IL2RA: variants seen among roughly 807,000 people sequenced by gnomAD.
IL2RA encodes interleukin-2 receptor subunit alpha.
In IL2RA, 24 loss-of-function variants were observed where a neutral mutation model predicts 37.8. That is an observed-to-expected ratio of 0.63 (90% CI 0.46 to 0.89). The LOEUF is 0.89. Among genes scored for constraint, IL2RA ranks in the 40% least tolerant of loss-of-function variants. The pLI is 0.00. For missense variants in IL2RA, 319 were observed against 348.6 expected, an observed-to-expected ratio of 0.92 and a Z score of 0.68; for synonymous variants, 125 against 114.6, an observed-to-expected ratio of 1.09 and a Z score of -0.58.
Position 6,018,008 on chromosome 10 carries a change from G to A in IL2RA, c.794+45C>T. ...GGGAGGCAGGGTGGGGCTGGGTACA[G>A]GACTTTGATCTGACCAAGGGCTGCC... On this transcript the variant is annotated intron_variant, in intron 7 of 7. Coordinates refer to ENST00000379959, the MANE Select transcript of IL2RA (RefSeq NM_000417.3). The surrounding 1 kb of genome is among the most constrained non-coding windows in gnomAD (Gnocchi z 5.1). 6.5e-7 allele frequency: 1 copy of A among 1,538,066 alleles called. No homozygotes were observed. The highest frequency in any genetic ancestry group is 9.0e-7 in the Non-Finnish European group (1 of 1,115,122).
rs142445701 is a variant in IL2RA, at chr10:6,058,490, T to C, written c.64+3598A>G. Reference sequence around the variant, plus strand: ...ACAGCCTCAAGACATGTCTTGAAGATGAATGAAGTAACAGTAGCAATAATA... The same window carrying C: ...ACAGCCTCAAGACATGTCTTGAAGACGAATGAAGTAACAGTAGCAATAATA... On this transcript the variant is annotated intron_variant, in intron 1 of 7. Transcript: ENST00000379959. This position sits in a 1 kb window ranked among gnomAD's most constrained non-coding sequence, Gnocchi z 4.2. 5.3e-5 allele frequency among the ~76,000 whole-genome samples: 8 copies of C among 152,314 alleles called. No homozygotes were observed. In the East Asian group the frequency reaches 9.7e-4, roughly 18 times the overall value.
chr10:6,024,067 C>T (rs1335222020), intron 3 of IL2RA, among the ~76,000 whole-genome samples, 177 bp downstream of exon 3: 1 of 152,218 alleles, frequency 6.6e-6, no homozygotes, highest in African/African-American at 2.4e-5. Flanking sequence ...GCTGAGCAAA[C>T]AGCCTCTGAG....
chr10:6,043,760 A>T (rs952279394), intron 1 of IL2RA, among the ~76,000 whole-genome samples: 10 of 152,246 alleles, frequency 6.6e-5, no homozygotes, highest in Admixed American at 2.6e-4. Flanking sequence ...TAAAATAAAC[A>T]AAAAGGACAT....
At chr10:6,052,635 A>C (rs1235806948) in intron 1 of IL2RA, among the ~76,000 whole-genome samples, 3 of 133,680 alleles carry the variant, frequency 2.2e-5, no homozygotes, top group East Asian at 4.2e-4. Flanking sequence ...CCAGGGGAGA[A>C]AACGCGCCCC....
intron 1 of IL2RA, among the ~76,000 whole-genome samples, chr10:6,041,664 A>T (rs1057390444): frequency 6.6e-6 from 1 of 152,206 alleles, no homozygotes; most frequent in African/African-American, 2.4e-5. Context: ...TGAGGGGGAA[A>T]AATTTCCCCC....
At chr10:6,051,817 C>CTATATATATATATATA (rs61008683) in intron 1 of IL2RA, among the ~76,000 whole-genome samples, 1,457 of 33,584 alleles carry the variant, frequency 0.043, 276 homozygotes, top group South Asian at 0.069. Flanking sequence ...TCATGCCCAG[C>CTATATATATATATATA]TATATATATA....
intron 1 of IL2RA, among the ~76,000 whole-genome samples, chr10:6,050,762 A>G (rs537630915): frequency 1.1e-4 from 16 of 152,312 alleles, no homozygotes; most frequent in African/African-American, 3.8e-4. Context: ...CTGGCCCGGG[A>G]GTGCTCAGAG....
intron 1 of IL2RA, among the ~76,000 whole-genome samples, chr10:6,051,817 C>CCATATATATATATATATATA (rs1839963972): frequency 1.2e-4 from 4 of 33,686 alleles, no homozygotes; most frequent in African/African-American, 3.7e-4. Flanking sequence ...TCATGCCCAG[C>CCATATATATATATATATATA]TATATATATA....
chr10:6,032,609 C>T (rs974931489), intron 1 of IL2RA, among the ~76,000 whole-genome samples: 3 of 150,850 alleles, frequency 2.0e-5, no homozygotes, highest in South Asian at 2.1e-4. Context: ...AGGAGAATGG[C>T]GTGAACTTGG....
intron 7 of IL2RA, among the ~76,000 whole-genome samples, chr10:6,017,506 C>T (rs1186415762): frequency 6.6e-6 from 1 of 151,930 alleles, no homozygotes; most frequent in African/African-American, 2.4e-5. Flanking sequence ...AAGCATCAAG[C>T]CTGGTGTATA....
chr10:6,028,074 T>C lies in IL2RA; in HGVS notation c.65-2049A>G, dbSNP rs968381266. ...ACAGGCAGCTCAGGGCTACATGATT[T>C]TGGAGGAGGGAAACACGTGAGAGGC... On this transcript the variant is annotated intron_variant, in intron 1 of 7. Transcript: ENST00000379959. The surrounding 1 kb of genome is among the most constrained non-coding windows in gnomAD (Gnocchi z 4.1). Among the ~76,000 whole-genome samples, 1 of 152,040 alleles carries C rather than the reference T, an allele frequency of 6.6e-6. No individual in the cohort carries two copies. The highest frequency in any genetic ancestry group is 1.9e-4 in the East Asian group (1 of 5,194).
At chr10:6,040,346 C>T (rs573659389) in intron 1 of IL2RA, among the ~76,000 whole-genome samples, 35 of 152,202 alleles carry the variant, frequency 2.3e-4, no homozygotes, top group African/African-American at 8.2e-4. Context: ...ATGCTGTATT[C>T]GGTTGTTTCC....
Position 6,058,170 on chromosome 10 carries a change from C to T in IL2RA, c.64+3918G>A, listed in dbSNP as rs1840075590. On this transcript the variant is annotated intron_variant, in intron 1 of 7. Coordinates refer to ENST00000379959, the MANE Select transcript of IL2RA (RefSeq NM_000417.3). This position sits in a 1 kb window ranked among gnomAD's most constrained non-coding sequence, Gnocchi z 4.2. ...AAATCACAAAGAGGTATTCAGAATA[C>T]CCAAGGCTTTAGGCAAAAACCAGTC... Among the ~76,000 whole-genome samples, 1 of 152,008 alleles carries T rather than the reference C, an allele frequency of 6.6e-6. No individual in the cohort carries two copies. The highest frequency in any genetic ancestry group is 1.5e-5 in the Non-Finnish European group (1 of 67,990).
chr10:6,026,184 CT>C, intron 1 of IL2RA, 159 bp from the exon 2 acceptor site: 1 of 731,224 alleles, frequency 1.4e-6, no homozygotes, highest in Non-Finnish European at 2.3e-6. Context: ...TACCATTGTT[CT>C]TTAGAAAGCT....
At position 6,018,214 on chromosome 10, in the gene IL2RA, A is replaced by G; in HGVS notation, c.728-95T>C. The G allele has an allele frequency of 2.2e-6, 2 of 917,766 alleles. No individual in the cohort carries two copies. The highest frequency in any genetic ancestry group is 3.6e-6 in the Non-Finnish European group (2 of 559,930). The allele number at this position is 917,766 out of a possible 1,614,324, so 56.9% of individuals were successfully genotyped here. ...ACAGGGCAGGCTGAGGACATCCCCA[A>G]AGAGCAAGGCGGAGGCTGCAGCCTC... is the stretch of plus-strand genomic sequence containing the variant. On this transcript the variant is annotated intron_variant, in intron 6 of 7. Coordinates refer to ENST00000379959, the MANE Select transcript of IL2RA (RefSeq NM_000417.3). The surrounding 1 kb of genome is among the most constrained non-coding windows in gnomAD (Gnocchi z 5.1).
Position 6,036,942 on chromosome 10 carries a change from A to G in IL2RA, c.65-10917T>C, listed in dbSNP as rs996935356. On this transcript the variant is annotated intron_variant, in intron 1 of 7. Transcript: ENST00000379959. The surrounding 1 kb of genome is among the most constrained non-coding windows in gnomAD (Gnocchi z 6.1). ...GGGATTTGTCAGGGCAGGTGTGGACATTGAGGCTATTTCTAACAAGCTCCT... is the reference window on the plus strand; with the variant it reads ...GGGATTTGTCAGGGCAGGTGTGGACGTTGAGGCTATTTCTAACAAGCTCCT... 3.9e-5 allele frequency among the ~76,000 whole-genome samples: 6 copies of G among 152,198 alleles called. No homozygotes were observed. The highest frequency in any genetic ancestry group is 1.2e-4 in the African/African-American group (5 of 41,528).
rs538001530 is a variant in IL2RA, at chr10:6,035,309, G to C, written c.65-9284C>G. ...GGGTCTCCCTGTGTGGGCAGGGATGGAGAGTGAGGGCCTGCCTTCATGGCA... is the reference window on the plus strand; with the variant it reads ...GGGTCTCCCTGTGTGGGCAGGGATGCAGAGTGAGGGCCTGCCTTCATGGCA... On this transcript the variant is annotated intron_variant, in intron 1 of 7. Transcript: ENST00000379959. This position sits in a 1 kb window ranked among gnomAD's most constrained non-coding sequence, Gnocchi z 5.4. Among the ~76,000 whole-genome samples the C allele has an allele frequency of 9.5e-4, 144 of 152,338 alleles. 2 individuals carry two copies. The highest frequency in any genetic ancestry group is 8.4e-3 in the Admixed American group (128 of 15,308).
chr10:6,045,176 G>A (rs191075200), intron 1 of IL2RA, among the ~76,000 whole-genome samples: 2 of 152,274 alleles, frequency 1.3e-5, no homozygotes, highest in East Asian at 3.9e-4. Context: ...TGAGTTATTT[G>A]TTATCTGACC....
intron 4 of IL2RA, 28 bp from the exon 5 acceptor site, chr10:6,019,969 G>A (rs1351488771): frequency 1.9e-6 from 3 of 1,597,878 alleles, no homozygotes; most frequent in East Asian, 2.2e-5. Flanking sequence ...TGATGCTGGT[G>A]GAGCTAAACA....
Sources: gnomAD v4.1 joint callset for allele counts (sites outside exome capture counted in the v4.1 genomes callset) on GRCh38, gnomAD v4.1.1 for gene constraint, Gnocchi (gnomAD v3.1) non-coding constraint, MANE v1.5 for transcripts, NCBI Gene and HGNC (gene_info 2026-07-23, HGNC 2026-07-21) for gene names.